Variants in MYBPC2 observed in about 807,000 individuals in gnomAD.
MYBPC2 encodes myosin-binding protein C, fast-type.
MYBPC2 carries 122 observed loss-of-function variants against 137.0 expected under a neutral mutation model. That is an observed-to-expected ratio of 0.89 (90% CI 0.77 to 1.03). MYBPC2 has a LOEUF of 1.03. Ranked by LOEUF, MYBPC2 falls within the 50% of genes least tolerant of loss-of-function variation. MYBPC2 has a pLI of 0.00. For synonymous variants in MYBPC2, 626 were observed against 612.3 expected (o/e 1.02, Z -0.33); for missense variants, 1,500 against 1,534.4 (o/e 0.98, Z 0.37).
chr19:50,435,249 A>T lies in MYBPC2; in HGVS notation c.108A>T (p.Lys36Asn). ...AGGAGGCTCCTGCAGAGGCCCCCAA[A>T]GGTGAGGAGGTGCTCCCTCGGGCTC... ...PPKEAPAEAP[K>N]EAPPEDQSPT... Residue 36 changes from lysine (K) to asparagine (N), a missense_variant and splice_region_variant, in exon 2 of 28, where the codon AAA (lysine) becomes AAT (asparagine). Coordinates refer to ENST00000357701, the MANE Select transcript of MYBPC2 (RefSeq NM_004533.4). The surrounding 1 kb of genome is among the most constrained non-coding windows in gnomAD (Gnocchi z 4.8). The T allele has an allele frequency of 1.6e-6, 2 of 1,226,408 alleles. No homozygotes were observed. The highest frequency in any genetic ancestry group is 2.4e-6 in the Non-Finnish European group (2 of 840,562). The allele number at this position is 1,226,408 out of a possible 1,614,324, so 76.0% of individuals were successfully genotyped here. A position where few individuals can be genotyped will look rare whatever the true frequency, so the allele number is the denominator to read the frequency against.
Position 50,461,658 on chromosome 19 carries a change from C to T in MYBPC2, c.3048C>T (p.Asp1016=), listed in dbSNP as rs1187297563. 16 of 1,613,388 alleles carry T rather than the reference C, an allele frequency of 9.9e-6. No individual in the cohort carries two copies. Among genetic ancestry groups the T allele is most frequent in the Non-Finnish European group, 1.4e-5 (16 of 1,179,834 alleles). The change falls in exon 25 of 28, where the codon GAC becomes GAT. Residue 1016 remains aspartate (D), a synonymous_variant. Transcript: ENST00000357701. The part of the protein sequence containing the change: ...VYTENICGLS[D]SPGVSKNTAR... ...CCGAGAACATCTGTGGGCTCAGTGACTCACCTGGTGTCTCCAAGAACACGG... is the reference window on the plus strand; with the variant it reads ...CCGAGAACATCTGTGGGCTCAGTGATTCACCTGGTGTCTCCAAGAACACGG...
At position 50,436,152 on chromosome 19, in the gene MYBPC2, G is replaced by A. The variant is rs763244754; in HGVS notation, c.337G>A (p.Ala113Thr). 31 of 1,581,392 alleles carry A rather than the reference G, an allele frequency of 2.0e-5. No homozygotes were observed. The highest frequency in any genetic ancestry group is 1.0e-4 in the South Asian group (9 of 86,096). ...CTCCTTCAAGGAGTCCCACAACTCCGCCAGCAATGTGAGGACCCCGTGGGC... is the reference window on the plus strand; with the variant it reads ...CTCCTTCAAGGAGTCCCACAACTCCACCAGCAATGTGAGGACCCCGTGGGC... ...RFSFKESHNS[A>T]SNVYTVELHI... The change falls in exon 4 of 28, where the codon GCC becomes ACC. Residue 113 changes from alanine (A) to threonine (T), a missense_variant. Coordinates refer to ENST00000357701, the MANE Select transcript of MYBPC2 (RefSeq NM_004533.4).
Position 50,442,233 on chromosome 19 carries a change from C to T in MYBPC2, c.822C>T (p.Ile274=), listed in dbSNP as rs1449354648. The T allele has an allele frequency of 6.2e-7, 1 of 1,603,724 alleles. No individual in the cohort carries two copies. Among genetic ancestry groups the T allele is most frequent in the Non-Finnish European group, 8.5e-7 (1 of 1,175,340 alleles). ...PAYQVDRGNK[I]KLMVEISDPD... is the part of the protein sequence containing the mutation. ...ACCAAGTGGACAGAGGCAACAAGAT[C>T]AAGTTGATGGTAGAGATCAGCGACC... is the stretch of plus-strand genomic sequence containing the variant. The change falls in exon 9 of 28, where the codon ATC becomes ATT. Residue 274 remains isoleucine (I), a synonymous_variant. Transcript: ENST00000357701.
chr19:50,440,202 G>C (rs189261595), intron 7 of MYBPC2, among the ~76,000 whole-genome samples: 5 of 152,106 alleles, frequency 3.3e-5, no homozygotes, highest in African/African-American at 1.2e-4. Context: ...GGATAAAAGA[G>C]GACAAATAGG....
chr19:50,462,095 A>G (rs1223933816), intron 26 of MYBPC2, 59 bp downstream of exon 26: 74 of 1,513,480 alleles, frequency 4.9e-5, no homozygotes, highest in Non-Finnish European at 6.5e-5. Flanking sequence ...TCTTCCATAC[A>G]ATGAAGCCCA....
At chr19:50,440,318 GAAAT>G (rs1198337529) in intron 7 of MYBPC2, among the ~76,000 whole-genome samples, 12 of 95,922 alleles carry the variant, frequency 1.3e-4, no homozygotes, top group Non-Finnish European at 2.4e-4. Flanking sequence ...ATAACCTGTG[GAAAT>G]AAAATAAATA....
chr19:50,443,451 T>C, intron 9 of MYBPC2, 43 bp from the exon 10 acceptor site: 2 of 1,600,064 alleles, frequency 1.2e-6, no homozygotes, highest in Non-Finnish European at 1.7e-6. Flanking sequence ...CAGGGATAGG[T>C]GGATGCTCCA....
At chr19:50,457,074 CTG>C (rs2039920841) in intron 20 of MYBPC2, among the ~76,000 whole-genome samples, 3 of 151,552 alleles carry the variant, frequency 2.0e-5, no homozygotes, top group Admixed American at 2.0e-4. Context: ...CACTGTCTAA[CTG>C]TGTGTCCTTG....
rs768038170 is a variant in MYBPC2 at position 50,435,962 on chromosome 19, G to C, written c.197-50G>C. ...TCTGTCTCCCTCTGGAGAGCCTTAT[G>C]TTCCTTCCTGGGCCTCCTCCCACTC... On this transcript the variant is annotated intron_variant, in intron 3 of 27. Coordinates refer to ENST00000357701, the MANE Select transcript of MYBPC2 (RefSeq NM_004533.4). The surrounding 1 kb of genome is among the most constrained non-coding windows in gnomAD (Gnocchi z 4.8). 1.0e-5 allele frequency: 16 copies of C among 1,554,982 alleles called. No individual in the cohort carries two copies. Among genetic ancestry groups the C allele is most frequent in the South Asian group, 3.6e-5 (3 of 84,306 alleles).
rs779279363 is a variant in MYBPC2, at chr19:50,435,217, C to T, written c.76C>T (p.Pro26Ser). The stretch of plus-strand genomic sequence containing the variant: ...CCCCAAAGGAGCCCCCAAGGAGGCT[C>T]CCCCTAAGGAGGCTCCTGCAGAGGC... ...DAPKGAPKEA[P>S]PKEAPAEAPK... is the part of the protein sequence containing the mutation. Residue 26 changes from proline to serine, a missense_variant, in exon 2 of 28, where the codon CCC becomes TCC. By Grantham distance (74) the Pro-to-Ser change is moderately conservative. Coordinates refer to ENST00000357701, the MANE Select transcript of MYBPC2 (RefSeq NM_004533.4). This position sits in a 1 kb window ranked among gnomAD's most constrained non-coding sequence, Gnocchi z 4.8. 24 of 1,332,450 alleles carry T rather than the reference C, an allele frequency of 1.8e-5. No homozygotes were observed. The highest frequency in any genetic ancestry group is 2.5e-5 in the Non-Finnish European group (23 of 931,174). The allele number at this position is 1,332,450 out of a possible 1,614,324, so 82.5% of individuals were successfully genotyped here.
rs2039970437 is a variant in MYBPC2 at position 50,461,447 on chromosome 19, G to A, written c.2932-95G>A. The A allele has an allele frequency of 6.9e-6, 9 of 1,309,042 alleles. No individual in the cohort carries two copies. The East Asian group carries it at 1.5e-4, about 21-fold the overall frequency. 81.1% of individuals were successfully genotyped at this position (1,309,042 alleles called of 1,614,324 possible). Reference sequence around the variant, plus strand: ...AGTGACATTTTTTTAAACACTGGATGTGCTTTTCTCACCCCTTCTTTCGTC... The same window carrying A: ...AGTGACATTTTTTTAAACACTGGATATGCTTTTCTCACCCCTTCTTTCGTC... On this transcript the variant is annotated intron_variant, in intron 24 of 27. Transcript: ENST00000357701.
Position 50,443,557 on chromosome 19 carries a change from T to C in MYBPC2, c.966T>C (p.Asp322=). Residue 322 remains aspartate, a synonymous_variant, in exon 10 of 28, where the codon GAT becomes GAC. Transcript: ENST00000357701. ...CCATCAACAAGTGCACGCTGGCGGA[T>C]GACGCTGCCTATGAAGTAGCTGTCA... ...ILTINKCTLA[D]DAAYEVAVKD... 6.2e-7 allele frequency: 1 copy of C among 1,613,094 alleles called. No individual in the cohort carries two copies. The highest frequency in any genetic ancestry group is 8.5e-7 in the Non-Finnish European group (1 of 1,179,546).
At position 50,435,307 on chromosome 19, in the gene MYBPC2, G is replaced by C. The variant is rs535812116; in HGVS notation, c.109+57G>C. Reference sequence around the variant, plus strand: ...CTGGCTTCTCATCTCCATCCTCCTCGCTACGCCTCTCCAGGCCTTTCCCCA... The same window carrying C: ...CTGGCTTCTCATCTCCATCCTCCTCCCTACGCCTCTCCAGGCCTTTCCCCA... On this transcript the variant is annotated intron_variant, in intron 2 of 27. Transcript: ENST00000357701. This position sits in a 1 kb window ranked among gnomAD's most constrained non-coding sequence, Gnocchi z 4.8. 3 of 721,350 alleles carry C rather than the reference G, an allele frequency of 4.2e-6. No homozygotes were observed. Among genetic ancestry groups the C allele is most frequent in the Non-Finnish European group, 7.6e-6 (3 of 392,304 alleles). 44.7% of individuals were successfully genotyped at this position (721,350 alleles called of 1,614,324 possible).
intron 16 of MYBPC2, among the ~76,000 whole-genome samples, chr19:50,452,535 T>A (rs1568664690): frequency 6.6e-6 from 1 of 151,704 alleles, no homozygotes; most frequent in Non-Finnish European, 1.5e-5. Flanking sequence ...TATCTATCTA[T>A]CTATGTATCT....
At chr19:50,440,242 G>A (rs535597247) in intron 7 of MYBPC2, among the ~76,000 whole-genome samples, 60 of 151,382 alleles carry the variant, frequency 4.0e-4, no homozygotes, top group East Asian at 5.8e-4. Context: ...GGTGATGGGT[G>A]TACCAAAATC....
At position 50,440,932 on chromosome 19, in the gene MYBPC2, G is replaced by C. The variant is rs759636978; in HGVS notation, c.625G>C (p.Gly209Arg). ...GAAAAAGAAAGATGACGATGACCTA[G>C]GCATCCCCCCGGAGATTTGGGAGCT... is the stretch of plus-strand genomic sequence containing the variant. ...KKKKKDDDDL[G>R]IPPEIWELLK... Residue 209 changes from glycine to arginine, a missense_variant, in exon 8 of 28, where the codon GGC (glycine) becomes CGC (arginine). Gly to Arg is a moderately radical substitution (Grantham distance 125, BLOSUM62 -2). Coordinates refer to ENST00000357701, the MANE Select transcript of MYBPC2 (RefSeq NM_004533.4). The C allele has an allele frequency of 2.5e-6, 4 of 1,613,720 alleles. No homozygotes were observed. In the East Asian group the frequency reaches 8.9e-5, roughly 36 times the overall value.
Position 50,448,264 on chromosome 19 carries a change from C to T in MYBPC2, c.1346C>T (p.Thr449Met), listed in dbSNP as rs530999109. Reference protein sequence around the residue: ...LEVLQDIADLTVKASEQAVFK... With the variant: ...LEVLQDIADLMVKASEQAVFK... Reference sequence around the variant, plus strand: ...GTCCTGCAGGACATCGCGGATCTGACGGTGAAGGCCTCAGAACAAGCTGTG... The same window carrying T: ...GTCCTGCAGGACATCGCGGATCTGATGGTGAAGGCCTCAGAACAAGCTGTG... The change falls in exon 13 of 28, where the codon ACG becomes ATG. Residue 449 changes from threonine to methionine, a missense_variant. Coordinates refer to ENST00000357701, the MANE Select transcript of MYBPC2 (RefSeq NM_004533.4). 50 of 1,613,610 alleles carry T rather than the reference C, an allele frequency of 3.1e-5. 1 individual carries two copies. Among genetic ancestry groups the T allele is most frequent in the South Asian group, 2.0e-4 (18 of 91,084 alleles).
chr19:50,433,515 C>G (rs996057757), intron 1 of MYBPC2, among the ~76,000 whole-genome samples: 1 of 151,902 alleles, frequency 6.6e-6, no homozygotes, highest in Non-Finnish European at 1.5e-5. Context: ...AACAATTCTC[C>G]TGCCTGGGGT....
intron 26 of MYBPC2, among the ~76,000 whole-genome samples, chr19:50,462,322 G>A (rs1392019081): frequency 1.3e-5 from 2 of 151,766 alleles, no homozygotes; most frequent in African/African-American, 4.8e-5. Flanking sequence ...GAGTAGCTGG[G>A]ACCACAGGCA....
Sources: allele counts gnomAD v4.1 joint callset (sites outside exome capture counted in the v4.1 genomes callset), GRCh38; gene constraint gnomAD v4.1.1; non-coding constraint Gnocchi (gnomAD v3.1); transcripts MANE v1.5; gene names NCBI Gene and HGNC (gene_info 2026-07-23, HGNC 2026-07-21).